Variants in NEK7 observed in about 807,000 individuals in gnomAD.
NEK7 encodes the protein NIMA related kinase 7.
NEK7 carries 18 observed loss-of-function variants against 44.6 expected under a neutral mutation model. The ratio of observed to expected loss-of-function variants is 0.40; its 90% CI spans 0.28 to 0.60. The LOEUF (loss-of-function observed/expected upper bound fraction) is 0.60, where lower values mean the gene tolerates loss of function less well. NEK7 is among the 20% of genes least tolerant of loss of function. The probability of loss-of-function intolerance (pLI) is 0.38; values close to 1 mark genes in which losing one functional copy is unlikely to be tolerated. For synonymous variants in NEK7, 130 were observed against 121.1 expected, an observed-to-expected ratio of 1.07 and a Z score of -0.48; for missense variants, 256 against 366.5, an observed-to-expected ratio of 0.70 and a Z score of 2.46.
intron 1 of NEK7, among the ~76,000 whole-genome samples, chr1:198,207,918 T>C (rs1430635427): frequency 4.6e-5 from 7 of 152,196 alleles, no homozygotes; most frequent in Non-Finnish European, 1.0e-4. Flanking sequence ...TAATATAGTT[T>C]TTCTTTTCCC....
chr1:198,256,345 A>G, intron 3 of NEK7: 2 of 1,608,102 alleles, frequency 1.2e-6, no homozygotes, highest in Non-Finnish European at 1.7e-6. Context: ...TGTTACCTGT[A>G]TGGGAAAGAA....
rs530361843 is a variant in NEK7, at chr1:198,319,930, A to G, written c.*408A>G. The G allele has an allele frequency of 2.1e-3, 325 of 153,662 alleles. No homozygotes were observed. The highest frequency in any genetic ancestry group is 3.9e-3 in the Non-Finnish European group (270 of 68,912). 9.5% of individuals were successfully genotyped at this position (153,662 alleles called of 1,614,324 possible). A position where few individuals can be genotyped will look rare whatever the true frequency, so the allele number is the denominator to read the frequency against. ...TGACTTGTTTCTTTTTTAGTAATTT[A>G]TGGACATTGAGATGAACACAATTGT... On this transcript the variant is annotated 3_prime_UTR_variant, in exon 10 of 10. Coordinates refer to ENST00000367385, the MANE Select transcript of NEK7 (RefSeq NM_133494.3).
chr1:198,192,746 A>G (rs1665116028), intron 1 of NEK7, among the ~76,000 whole-genome samples: 1 of 152,208 alleles, frequency 6.6e-6, no homozygotes, highest in Non-Finnish European at 1.5e-5. Context: ...GCAGAAATAA[A>G]GAAGTCCTTT....
At chr1:198,231,457 G>T (rs866755553) in intron 1 of NEK7, among the ~76,000 whole-genome samples, 8 of 150,658 alleles carry the variant, frequency 5.3e-5, no homozygotes, top group Admixed American at 1.3e-4. Context: ...GAAAAACAAA[G>T]ATTGACTTTG....
chr1:198,164,740 C>T (rs758285601), intron 1 of NEK7, among the ~76,000 whole-genome samples: 3 of 152,162 alleles, frequency 2.0e-5, no homozygotes, highest in African/African-American at 4.8e-5. Flanking sequence ...ATTACGGTGA[C>T]GGTCACTGAA....
intron 9 of NEK7, among the ~76,000 whole-genome samples, chr1:198,306,318 A>G (rs1340055492): frequency 6.6e-6 from 1 of 152,188 alleles, no homozygotes; most frequent in East Asian, 1.9e-4. Flanking sequence ...CTATATTTTC[A>G]GTTCTCCATT....
intron 2 of NEK7, among the ~76,000 whole-genome samples, chr1:198,247,456 G>T (rs1376523164): frequency 1.3e-5 from 2 of 152,168 alleles, no homozygotes; most frequent in African/African-American, 4.8e-5. Context: ...ATTGGTGAGA[G>T]AATTGAATTT....
chr1:198,170,556 C>T (rs1480803761), intron 1 of NEK7, among the ~76,000 whole-genome samples: 1 of 152,062 alleles, frequency 6.6e-6, no homozygotes, highest in Non-Finnish European at 1.5e-5. Context: ...CTTTTTATTC[C>T]TTAAAGGTAT....
chr1:198,274,182 A>G (rs1284479190), intron 5 of NEK7, among the ~76,000 whole-genome samples: 1 of 119,256 alleles, frequency 8.4e-6, no homozygotes, highest in African/African-American at 4.1e-5. Context: ...TGACTTCATT[A>G]TTTCTCATCA....
intron 1 of NEK7, among the ~76,000 whole-genome samples, chr1:198,168,978 T>C (rs1203610712): frequency 1.3e-5 from 2 of 152,206 alleles, no homozygotes; most frequent in Non-Finnish European, 2.9e-5. Flanking sequence ...CTTTCTGTAA[T>C]GTTTACTCAT....
At chr1:198,302,825 T>G (rs1415567080) in intron 9 of NEK7, among the ~76,000 whole-genome samples, 1 of 152,136 alleles carries the variant, frequency 6.6e-6, no homozygotes, top group Non-Finnish European at 1.5e-5. Context: ...CTAGACAATG[T>G]TTAGAGCAAA....
chr1:198,300,809 T>A (rs1412053019), intron 9 of NEK7, among the ~76,000 whole-genome samples: 1 of 152,212 alleles, frequency 6.6e-6, no homozygotes, highest in East Asian at 1.9e-4. Context: ...TGAGAGAAAC[T>A]TCTCCAAAGA....
intron 9 of NEK7, among the ~76,000 whole-genome samples, chr1:198,314,313 T>G (rs1655282929): frequency 6.6e-6 from 1 of 152,274 alleles, no homozygotes; most frequent in South Asian, 2.1e-4. Context: ...TCTGTAATGG[T>G]TATTCTAGTT....
chr1:198,317,887 T>A (rs569011356), intron 9 of NEK7, among the ~76,000 whole-genome samples: 47 of 144,824 alleles, frequency 3.2e-4, no homozygotes, highest in Middle Eastern at 3.5e-3. Flanking sequence ...ATTTTTTTTT[T>A]TTTTTTTTTT....
At chr1:198,315,597 A>G (rs1655345661) in intron 9 of NEK7, among the ~76,000 whole-genome samples, 1 of 152,196 alleles carries the variant, frequency 6.6e-6, no homozygotes, top group South Asian at 2.1e-4. Context: ...GTCAGCTGGA[A>G]GACTATCCAA....
At chr1:198,223,951 A>G (rs1666141688) in intron 1 of NEK7, among the ~76,000 whole-genome samples, 1 of 152,194 alleles carries the variant, frequency 6.6e-6, no homozygotes, top group African/African-American at 2.4e-5. Context: ...GGCAAGATAG[A>G]CCATTGGATT....
intron 1 of NEK7, among the ~76,000 whole-genome samples, chr1:198,198,366 G>A (rs1217711969): frequency 6.6e-6 from 1 of 152,182 alleles, no homozygotes; most frequent in Admixed American, 6.5e-5. Context: ...TTACTAGTCC[G>A]GTGGCCAAGA....
chr1:198,304,475 A>G (rs1480250220), intron 9 of NEK7, among the ~76,000 whole-genome samples: 1 of 152,160 alleles, frequency 6.6e-6, no homozygotes, highest in Non-Finnish European at 1.5e-5. Context: ...GAAATTGGGT[A>G]TATCCTGGAG....
chr1:198,181,622 T>C (rs67388861), intron 1 of NEK7, among the ~76,000 whole-genome samples: 2 of 151,984 alleles, frequency 1.3e-5, no homozygotes, highest in Non-Finnish European at 2.9e-5. Flanking sequence ...TTTCCCCCCA[T>C]GTTATTTATG....
Sources: allele counts gnomAD v4.1 joint callset (sites outside exome capture counted in the v4.1 genomes callset), GRCh38; gene constraint gnomAD v4.1.1; transcripts MANE v1.5; gene names NCBI Gene and HGNC (gene_info 2026-07-23, HGNC 2026-07-21).